Variants in NTN4 observed in about 807,000 individuals in gnomAD.
The protein encoded by NTN4 is netrin-4.
A neutral mutation model predicts 73.6 loss-of-function variants in NTN4; 32 were observed. The observed-to-expected ratio is 0.44, with a 90% CI of 0.33 to 0.58. The LOEUF (loss-of-function observed/expected upper bound fraction) is 0.58. Among genes scored for constraint, NTN4 ranks in the 20% least tolerant of loss-of-function variants. The pLI, the probability that NTN4 is intolerant of heterozygous loss-of-function variation, is 0.04. For synonymous variants in NTN4, 258 were observed against 287.5 expected, an observed-to-expected ratio of 0.90 and a Z score of 1.04; for missense variants, 654 against 798.3, an observed-to-expected ratio of 0.82 and a Z score of 2.18.
intron 2 of NTN4, among the ~76,000 whole-genome samples, chr12:95,777,594 T>G (rs1218825072): frequency 2.0e-5 from 3 of 152,086 alleles, no homozygotes; most frequent in Admixed American, 6.5e-5. Context: ...AGGGATCAAT[T>G]CAACAAGAAG....
intron 5 of NTN4, among the ~76,000 whole-genome samples, chr12:95,707,126 C>G (rs1426443269): frequency 6.6e-6 from 1 of 152,192 alleles, no homozygotes; most frequent in Non-Finnish European, 1.5e-5. Flanking sequence ...CTTTTGAAAA[C>G]TAAGTCAGAC....
intron 9 of NTN4, among the ~76,000 whole-genome samples, chr12:95,660,230 G>A (rs1311377472): frequency 1.3e-5 from 2 of 152,040 alleles, no homozygotes; most frequent in African/African-American, 4.8e-5. Context: ...GGCCAGGCTG[G>A]TCTCGAACTC....
At position 95,700,814 on chromosome 12, in the gene NTN4, C is replaced by CT. The variant is rs71911993; in HGVS notation, c.1180+9626dup. Reference sequence around the variant, plus strand: ...CCCTTTCTTTTTTCTTTCTTTCTTTCTTTTTTTTTTTTTTTTTGAGACAGA... The same window carrying CT: ...CCCTTTCTTTTTTCTTTCTTTCTTTCTTTTTTTTTTTTTTTTTTGAGACAGA... On this transcript the variant is annotated intron_variant, in intron 5 of 9. Coordinates refer to ENST00000343702, the MANE Select transcript of NTN4 (RefSeq NM_021229.4). Among the ~76,000 whole-genome samples, 239 of 107,528 alleles carry CT rather than the reference C, an allele frequency of 2.2e-3. 1 individual carries two copies. The highest frequency in any genetic ancestry group is 9.7e-3 in the Middle Eastern group (2 of 206). The allele number at this position is 107,528 out of a possible 152,430, so 70.5% of individuals were successfully genotyped here.
In NTN4 at chr12:95,670,162, T is replaced by A; in HGVS notation, c.1511-16A>T. ...TCGCATTTACCTATGGAAAGTAAAT[T>A]AAAAATGGTGTTAGTTATTAGAAAA... is the stretch of plus-strand genomic sequence containing the variant. On this transcript the variant is annotated splice_polypyrimidine_tract_variant and intron_variant, in intron 7 of 9. Transcript: ENST00000343702. 6.7e-7 allele frequency: 1 copy of A among 1,497,128 alleles called. No individual in the cohort carries two copies. The allele number at this position is 1,497,128 out of a possible 1,614,324, so 92.7% of individuals were successfully genotyped here.
intron 2 of NTN4, among the ~76,000 whole-genome samples, chr12:95,742,369 A>T (rs2078833056): frequency 6.6e-6 from 1 of 151,618 alleles, no homozygotes; most frequent in Non-Finnish European, 1.5e-5. Flanking sequence ...TGGCGTTAAA[A>T]AAAAAAAAAA....
At chr12:95,788,691 C>T (rs780721192) in intron 1 of NTN4, among the ~76,000 whole-genome samples, 7 of 152,178 alleles carry the variant, frequency 4.6e-5, no homozygotes, top group Non-Finnish European at 7.4e-5. Flanking sequence ...GCCAACCCCA[C>T]GAAGCCTTGC....
At chr12:95,684,475 A>ATTT (rs200316814) in intron 5 of NTN4, among the ~76,000 whole-genome samples, 24 of 148,472 alleles carry the variant, frequency 1.6e-4, no homozygotes, top group Middle Eastern at 3.4e-3. Context: ...CTTAAAAAAA[A>ATTT]TTTTTTTTTT....
At chr12:95,730,025 AGG>A (rs2078726600) in intron 3 of NTN4, among the ~76,000 whole-genome samples, 1 of 152,204 alleles carries the variant, frequency 6.6e-6, no homozygotes, top group African/African-American at 2.4e-5. Context: ...TATACTGAAA[AGG>A]AAGTATTCAT....
Position 95,769,558 on chromosome 12 carries a change from A to G in NTN4, c.585+17381T>C, listed in dbSNP as rs1260043124. Among the ~76,000 whole-genome samples the G allele has an allele frequency of 3.3e-5, 5 of 149,858 alleles. No individual in the cohort carries two copies. The East Asian group carries it at 9.8e-4, about 29-fold the overall frequency. Reference sequence around the variant, plus strand: ...GAAGAAGATTTATAGACCAAAAAAAAAAAAAAAAAAGGAAATGATGTTCAG... The same window carrying G: ...GAAGAAGATTTATAGACCAAAAAAAGAAAAAAAAAAGGAAATGATGTTCAG... On this transcript the variant is annotated intron_variant, in intron 2 of 9. Transcript: ENST00000343702.
intron 9 of NTN4, among the ~76,000 whole-genome samples, chr12:95,659,953 C>T (rs1015061544): frequency 6.6e-6 from 1 of 152,118 alleles, no homozygotes; most frequent in Non-Finnish European, 1.5e-5. Context: ...TAGATCAGTA[C>T]ATCTTGGATA....
chr12:95,704,753 G>A (rs2078511018), intron 5 of NTN4, among the ~76,000 whole-genome samples: 1 of 152,178 alleles, frequency 6.6e-6, no homozygotes. Context: ...GGAAACGTAA[G>A]CTAGGGAAGC....
chr12:95,722,011 A>T (rs1264333031), intron 3 of NTN4, among the ~76,000 whole-genome samples: 1 of 151,234 alleles, frequency 6.6e-6, no homozygotes, highest in Non-Finnish European at 1.5e-5. Flanking sequence ...ATACATCTAT[A>T]TATATACACG....
chr12:95,681,055 G>A (rs951275012), intron 7 of NTN4, among the ~76,000 whole-genome samples: 1 of 151,986 alleles, frequency 6.6e-6, no homozygotes, highest in African/African-American at 2.4e-5. Flanking sequence ...CAGGTGTGGT[G>A]GTGGGTGCCT....
At chr12:95,669,206 TAAAA>T (rs369624673) in intron 8 of NTN4, among the ~76,000 whole-genome samples, 1 of 126,022 alleles carries the variant, frequency 7.9e-6, no homozygotes, top group Non-Finnish European at 1.7e-5. Flanking sequence ...AGACTCTGTC[TAAAA>T]AAAAAAAAAA....
intron 7 of NTN4, among the ~76,000 whole-genome samples, chr12:95,677,757 C>A (rs920485869): frequency 1.3e-5 from 2 of 152,194 alleles, no homozygotes; most frequent in East Asian, 1.9e-4. Flanking sequence ...ACTAGTTCAA[C>A]CATTGTGGAA....
At chr12:95,662,185 CCCCTCCCCTCCCCTT>C (rs2078142956) in intron 9 of NTN4, among the ~76,000 whole-genome samples, 4 of 140,864 alleles carry the variant, frequency 2.8e-5, no homozygotes, top group Admixed American at 2.1e-4. Flanking sequence ...CTAAACGTCT[CCCCTCCCCTCCCCTT>C]CCCTCCCCTC....
chr12:95,749,775 C>T (rs2078890102), intron 2 of NTN4, among the ~76,000 whole-genome samples: 1 of 148,170 alleles, frequency 6.7e-6, no homozygotes, highest in African/African-American at 2.5e-5. Flanking sequence ...CCCCTTCTCT[C>T]CTTGTCTCTA....
Position 95,790,238 on chromosome 12 carries a change from G to A in NTN4, c.55+17C>T, listed in dbSNP as rs1486311737. ...CAGCGAGGGAAGGGGTGGGGGCCCC[G>A]CCGCGTCACCACCCACCTGCGGCCA... is the stretch of plus-strand genomic sequence containing the variant. On this transcript the variant is annotated intron_variant, in intron 1 of 9. Coordinates refer to ENST00000343702, the MANE Select transcript of NTN4 (RefSeq NM_021229.4). The surrounding 1 kb of genome is among the most constrained non-coding windows in gnomAD (Gnocchi z 6.5). 3.9e-6 allele frequency: 6 copies of A among 1,530,278 alleles called. No individual in the cohort carries two copies. Among genetic ancestry groups the A allele is most frequent in the Admixed American group, 2.0e-5 (1 of 49,422 alleles). 94.8% of individuals were successfully genotyped at this position (1,530,278 alleles called of 1,614,324 possible).
chr12:95,752,005 G>A (rs967175770), intron 2 of NTN4, among the ~76,000 whole-genome samples: 15 of 150,654 alleles, frequency 1.0e-4, no homozygotes, highest in East Asian at 1.9e-4. Context: ...TCTCATTGCC[G>A]CCCTTCTTCC....
Sources: gnomAD v4.1 joint callset for allele counts (sites outside exome capture counted in the v4.1 genomes callset) on GRCh38, gnomAD v4.1.1 for gene constraint, Gnocchi (gnomAD v3.1) non-coding constraint, MANE v1.5 for transcripts, NCBI Gene and HGNC (gene_info 2026-07-23, HGNC 2026-07-21) for gene names.